CDH7: variants seen among roughly 807,000 people sequenced by gnomAD.
The protein encoded by CDH7 is cadherin 7.
CDH7 carries 25 observed loss-of-function variants against 71.8 expected under a neutral mutation model. The ratio of observed to expected loss-of-function variants is 0.35; its 90% CI spans 0.25 to 0.49. The LOEUF (loss-of-function observed/expected upper bound fraction) is 0.49, where lower values mean the gene tolerates loss of function less well. Ranked by LOEUF, CDH7 falls within the 20% of genes least tolerant of loss-of-function variation. The pLI is 0.99. For synonymous variants in CDH7, 381 were observed against 363.8 expected, an observed-to-expected ratio of 1.05 and a Z score of -0.54; for missense variants, 862 against 974.6, an observed-to-expected ratio of 0.88 and a Z score of 1.54.
At chr18:65,867,246 A>G (rs1036104041) in intron 11 of CDH7, among the ~76,000 whole-genome samples, 1 of 152,116 alleles carries the variant, frequency 6.6e-6, no homozygotes, top group Non-Finnish European at 1.5e-5. Context: ...TGTGTTAGCC[A>G]GGATGGTCTC....
At chr18:65,851,261 C>T (rs1451542221) in intron 7 of CDH7, among the ~76,000 whole-genome samples, 1 of 152,086 alleles carries the variant, frequency 6.6e-6, no homozygotes, top group African/African-American at 2.4e-5. Context: ...ATCCTTACAG[C>T]AATACACACA....
At chr18:65,812,718 A>T (rs1405325511) in intron 3 of CDH7, among the ~76,000 whole-genome samples, 1 of 152,180 alleles carries the variant, frequency 6.6e-6, no homozygotes, top group Non-Finnish European at 1.5e-5. Flanking sequence ...GTGTGTCTAT[A>T]TGTGTTAAAT....
intron 11 of CDH7, among the ~76,000 whole-genome samples, chr18:65,864,421 C>A (rs1243962034): frequency 6.8e-6 from 1 of 146,290 alleles, no homozygotes; most frequent in African/African-American, 2.5e-5. Flanking sequence ...TTTTTTTTTG[C>A]TCACCAGATA....
In CDH7 at chr18:65,882,504, A is replaced by G. The variant is rs1387430667; in HGVS notation, c.*1610A>G. 1.3e-5 allele frequency: 2 copies of G among 152,138 alleles called. No individual in the cohort carries two copies. The highest frequency in any genetic ancestry group is 2.9e-5 in the Non-Finnish European group (2 of 67,968). The allele number at this position is 152,138 out of a possible 1,614,324, so 9.4% of individuals were successfully genotyped here. ...AGGTAGACAGTGGAATTAGAATATT[A>G]ATATGTTGATTACACAAAGAAGAAC... On this transcript the variant is annotated 3_prime_UTR_variant, in exon 12 of 12. Coordinates refer to ENST00000397968, the MANE Select transcript of CDH7 (RefSeq NM_004361.5).
At chr18:65,796,329 A>T (rs572436306) in intron 2 of CDH7, among the ~76,000 whole-genome samples, 161 of 152,246 alleles carry the variant, frequency 1.1e-3, no homozygotes, top group African/African-American at 3.7e-3. Flanking sequence ...TTTTTTGGAT[A>T]CAATAGTCTG....
chr18:65,843,529 C>T (rs187508685), intron 6 of CDH7, among the ~76,000 whole-genome samples: 118 of 152,202 alleles, frequency 7.8e-4, no homozygotes, highest in Non-Finnish European at 1.3e-3. Flanking sequence ...ATAAATTTGA[C>T]CAGTTTTTCT....
Position 65,885,579 on chromosome 18 carries a change from C to CAT in CDH7, c.*4685_*4686insAT, listed in dbSNP as rs1568238295. ...ATTTTTAGTACAGACGGGGTTTCAC[C>CAT]GTGGTCTCGATCTCCTGACCTCGTG... On this transcript the variant is annotated 3_prime_UTR_variant, in exon 12 of 12. Coordinates refer to ENST00000397968, the MANE Select transcript of CDH7 (RefSeq NM_004361.5). 7.3e-5 allele frequency: 11 copies of CAT among 151,494 alleles called. No individual in the cohort carries two copies. In the East Asian group the frequency reaches 2.0e-3, roughly 27 times the overall value. 9.4% of individuals were successfully genotyped at this position (151,494 alleles called of 1,614,324 possible). A position where few individuals can be genotyped will look rare whatever the true frequency, so the allele number is the denominator to read the frequency against.
chr18:65,799,917 T>C (rs553484819), intron 2 of CDH7, among the ~76,000 whole-genome samples: 1 of 152,326 alleles, frequency 6.6e-6, no homozygotes, highest in East Asian at 1.9e-4. Flanking sequence ...CTATAAAAAA[T>C]ATATCAACAC....
intron 2 of CDH7, chr18:65,803,627 A>G (rs1911203355): frequency 6.6e-6 from 1 of 152,118 alleles, no homozygotes; most frequent in Non-Finnish European, 1.5e-5. Flanking sequence ...TAATTGCAAT[A>G]TATACAGTGG....
chr18:65,854,228 C>G (rs904617376), intron 7 of CDH7, among the ~76,000 whole-genome samples: 7 of 151,768 alleles, frequency 4.6e-5, no homozygotes, highest in African/African-American at 1.7e-4. Context: ...ATCACTTGAG[C>G]CTGAGAGGTT....
At chr18:65,844,226 A>G (rs554744545) in intron 7 of CDH7, among the ~76,000 whole-genome samples, 161 bp downstream of exon 7, 50 of 128,600 alleles carry the variant, frequency 3.9e-4, no homozygotes, top group Non-Finnish European at 6.5e-4. Flanking sequence ...CATTAGAAAC[A>G]TACATTTTAC....
Position 65,888,648 on chromosome 18 carries a change from C to A in CDH7, c.*7754C>A, listed in dbSNP as rs1043163914. 2 of 152,012 alleles carry A rather than the reference C, an allele frequency of 1.3e-5. No individual in the cohort carries two copies. Among genetic ancestry groups the A allele is most frequent in the African/African-American group, 4.8e-5 (2 of 41,362 alleles). 9.4% of individuals were successfully genotyped at this position (152,012 alleles called of 1,614,324 possible). ...TAACATTCTAACATATACATGGTTT[C>A]AATTTTCTTATAAGTCTGTGAATCA... On this transcript the variant is annotated 3_prime_UTR_variant, in exon 12 of 12. Transcript: ENST00000397968.
chr18:65,809,603 A>C (rs1000072487), intron 2 of CDH7, 101 bp from the exon 3 acceptor site: 7 of 985,650 alleles, frequency 7.1e-6, no homozygotes, highest in Non-Finnish European at 1.1e-5. Context: ...AGAACAATAA[A>C]ATTTCATGTA....
intron 6 of CDH7, among the ~76,000 whole-genome samples, chr18:65,835,344 T>A (rs1599039147): frequency 6.6e-6 from 1 of 152,100 alleles, no homozygotes; most frequent in East Asian, 1.9e-4. Flanking sequence ...GGGAAAAATA[T>A]GTTGAGTTCC....
intron 8 of CDH7, among the ~76,000 whole-genome samples, chr18:65,858,335 C>T (rs1913437783): frequency 6.6e-6 from 1 of 151,356 alleles, no homozygotes; most frequent in Non-Finnish European, 1.5e-5. Flanking sequence ...AGTTTAGTCC[C>T]TCATAAAAGA....
intron 7 of CDH7, among the ~76,000 whole-genome samples, chr18:65,848,417 G>A (rs891893554): frequency 9.9e-5 from 15 of 152,092 alleles, no homozygotes; most frequent in Non-Finnish European, 5.9e-5. Context: ...AAACAATATG[G>A]GGAAAAATAT....
intron 4 of CDH7, among the ~76,000 whole-genome samples, chr18:65,821,132 CAAA>C (rs796526274): frequency 1.4e-4 from 4 of 28,994 alleles, no homozygotes; most frequent in African/African-American, 2.1e-4. Context: ...AACAAACAAA[CAAA>C]AAAAAAAACA....
At chr18:65,811,477 G>A (rs1350376326) in intron 3 of CDH7, among the ~76,000 whole-genome samples, 1 of 152,166 alleles carries the variant, frequency 6.6e-6, no homozygotes, top group Non-Finnish European at 1.5e-5. Flanking sequence ...TAGCACATAT[G>A]TAAGCATTGC....
chr18:65,761,750 G>A (rs146216879), intron 1 of CDH7, among the ~76,000 whole-genome samples: 246 of 152,218 alleles, frequency 1.6e-3, no homozygotes, highest in African/African-American at 5.6e-3. Flanking sequence ...TGCATAATCA[G>A]AATTCTGTAA....
Sources: gnomAD v4.1 joint callset for allele counts (sites outside exome capture counted in the v4.1 genomes callset) on GRCh38, gnomAD v4.1.1 for gene constraint, MANE v1.5 for transcripts, NCBI Gene and HGNC (gene_info 2026-07-23, HGNC 2026-07-21) for gene names.